Variants in CAPN14 observed in about 807,000 individuals in gnomAD.
The protein encoded by CAPN14 is calpain-14.
Under a neutral mutation model 101.3 loss-of-function variants are expected in CAPN14, and 94 were observed. The observed-to-expected ratio is 0.93, with a 90% CI of 0.79 to 1.10. The LOEUF is 1.10. Among genes scored for constraint, CAPN14 ranks in the 50% least tolerant of loss-of-function variants. CAPN14 has a pLI of 0.00. For missense variants in CAPN14, 837 were observed against 828.4 expected (o/e 1.01, Z -0.13); for synonymous variants, 338 against 317.9 (o/e 1.06, Z -0.67).
intron 1 of CAPN14, among the ~76,000 whole-genome samples, chr2:31,215,573 C>T (rs1430024607): frequency 1.3e-5 from 2 of 152,160 alleles, no homozygotes; most frequent in Non-Finnish European, 2.9e-5. Flanking sequence ...CCTCATCCTT[C>T]AAAGCTCAGG....
At chr2:31,191,514 A>C (rs1439969787) in intron 11 of CAPN14, 107 bp from the exon 12 acceptor site, 2 of 1,110,680 alleles carry the variant, frequency 1.8e-6, no homozygotes, top group African/African-American at 1.6e-5. Context: ...ATAGAAGCTG[A>C]TATACAAGGC....
intron 16 of CAPN14, among the ~76,000 whole-genome samples, chr2:31,182,855 C>CA (rs1680716006): frequency 6.6e-6 from 1 of 151,392 alleles, no homozygotes; most frequent in African/African-American, 2.4e-5. Context: ...CACATGGAAC[C>CA]AAAAAAGAGC....
At position 31,201,981 on chromosome 2, in the gene CAPN14, G is replaced by C. The variant is rs1681809684; in HGVS notation, c.432C>G (p.Asn144Lys). 2 of 1,551,612 alleles carry C rather than the reference G, an allele frequency of 1.3e-6. No homozygotes were observed. The highest frequency in any genetic ancestry group is 2.4e-5 in the South Asian group (2 of 84,068). ...GGTCATCGATCACCACAGGAACCCA[G>C]TTCCCATAGTGCCAGAACTGGAGGG... ...IFRFWFWHYGNWVPVVIDDRL... is the reference protein window; with the variant it reads ...IFRFWFWHYGKWVPVVIDDRL... The change falls in exon 5 of 22, where the codon AAC becomes AAG. Residue 144 changes from asparagine to lysine, a missense_variant. Transcript: ENST00000403897.
chr2:31,197,436 T>C, intron 7 of CAPN14, 102 bp from the exon 8 acceptor site: 1 of 770,316 alleles, frequency 1.3e-6, no homozygotes. Flanking sequence ...CAGTGGAAAA[T>C]CACAGCCCCA....
rs1000387407 is a variant in CAPN14 at position 31,230,825 on chromosome 2, T to C, written c.-177+2966A>G. 6.6e-6 allele frequency among the ~76,000 whole-genome samples: 1 copy of C among 152,256 alleles called. No individual in the cohort carries two copies. The highest frequency in any genetic ancestry group is 6.5e-5 in the Admixed American group (1 of 15,282). ...GTTGAACGAAAGTTTTAAATTTTGC[T>C]AGTGCTAAACTTAGTTTTTTTCATT... On this transcript the variant is annotated intron_variant and NMD_transcript_variant, in intron 1 of 21. Transcript: ENST00000398824. The surrounding 1 kb of genome is among the most constrained non-coding windows in gnomAD (Gnocchi z 4.3).
chr2:31,232,501 T>G (rs1683224374), intron 1 of CAPN14, among the ~76,000 whole-genome samples: 1 of 152,132 alleles, frequency 6.6e-6, no homozygotes, highest in Non-Finnish European at 1.5e-5. Flanking sequence ...AGGAAAAAGG[T>G]TTAATTAACT....
chr2:31,218,909 A>G (rs1558638044), upstream of CAPN14, among the ~76,000 whole-genome samples: 1 of 152,162 alleles, frequency 6.6e-6, no homozygotes, highest in African/African-American at 2.4e-5. Context: ...CCTTCCTCGC[A>G]TGGGTCTGAA....
intron 2 of CAPN14, among the ~76,000 whole-genome samples, chr2:31,203,859 G>C (rs1228206829): frequency 6.6e-6 from 1 of 152,200 alleles, no homozygotes; most frequent in African/African-American, 2.4e-5. Context: ...CTGTTCACTA[G>C]CTGTGTTCCT....
chr2:31,201,965 T>C lies in CAPN14; in HGVS notation c.448A>G (p.Ile150Val), dbSNP rs1250752410. The C allele has an allele frequency of 6.4e-7, 1 of 1,551,552 alleles. No individual in the cohort carries two copies. The highest frequency in any genetic ancestry group is 8.7e-7 in the Non-Finnish European group (1 of 1,147,008). Residue 150 changes from isoleucine to valine, a missense_variant, in exon 5 of 22, where the codon ATC (isoleucine) becomes GTC (valine). Physicochemically the swap from Ile to Val is conservative, Grantham distance 29. Transcript: ENST00000403897. ...WHYGNWVPVV[I>V]DDRLPVNEAG... ...TCATTCACAGGCAGACGGTCATCGATCACCACAGGAACCCAGTTCCCATAG... is the reference window on the plus strand; with the variant it reads ...TCATTCACAGGCAGACGGTCATCGACCACCACAGGAACCCAGTTCCCATAG...
chr2:31,231,448 A>G (rs1188071357), intron 1 of CAPN14, among the ~76,000 whole-genome samples: 2 of 152,222 alleles, frequency 1.3e-5, no homozygotes. Context: ...AAGATCTTGC[A>G]TATCTTTTGT....
intron 3 of CAPN14, 127 bp from the exon 4 acceptor site, chr2:31,202,379 T>C: frequency 7.3e-6 from 5 of 682,836 alleles, no homozygotes; most frequent in Non-Finnish European, 1.0e-5. Context: ...AATTATATAC[T>C]GGGAAGGCGG....
intron 8 of CAPN14, among the ~76,000 whole-genome samples, chr2:31,196,081 T>C (rs1681457856): frequency 6.6e-6 from 1 of 152,016 alleles, no homozygotes; most frequent in Non-Finnish European, 1.5e-5. Context: ...AGGGGAGAAA[T>C]GGAAGATAAT....
At chr2:31,217,227 G>C (rs1367348123) in intron 1 of CAPN14, among the ~76,000 whole-genome samples, 1 of 152,052 alleles carries the variant, frequency 6.6e-6, no homozygotes, top group Non-Finnish European at 1.5e-5. Flanking sequence ...AGGAGATTGG[G>C]GCCAAAGGGC....
chr2:31,213,205 T>C (rs1682484323), intron 1 of CAPN14, among the ~76,000 whole-genome samples: 1 of 152,202 alleles, frequency 6.6e-6, no homozygotes, highest in South Asian at 2.1e-4. Flanking sequence ...GTGTGCTGAC[T>C]CCTTTATCCT....
rs1443231009 is a variant in CAPN14, at chr2:31,173,144, T to TA, written c.*1536dup. On this transcript the variant is annotated 3_prime_UTR_variant, in exon 22 of 22. Coordinates refer to ENST00000403897, the MANE Select transcript of CAPN14 (RefSeq NM_001145122.2). ...AAAGACACAAATAAGTCAATGGATA[T>TA]AAAAAACTGTAAAAGGCTGTAAATA... The TA allele has an allele frequency of 6.6e-6, 1 of 152,216 alleles. No individual in the cohort carries two copies. The highest frequency in any genetic ancestry group is 1.5e-5 in the Non-Finnish European group (1 of 68,032). 9.4% of individuals were successfully genotyped at this position (152,216 alleles called of 1,614,324 possible).
At chr2:31,203,623 C>T (rs537173396) in intron 2 of CAPN14, among the ~76,000 whole-genome samples, 30 of 152,222 alleles carry the variant, frequency 2.0e-4, no homozygotes, top group Non-Finnish European at 1.5e-5. Context: ...TCAGTCTTTG[C>T]GCGGACACAG....
rs187593207 is a variant in CAPN14 at position 31,201,364 on chromosome 2, A to G, written c.551+498T>C. 1.6e-4 allele frequency among the ~76,000 whole-genome samples: 24 copies of G among 152,232 alleles called. No individual in the cohort carries two copies. In the East Asian group the frequency reaches 3.9e-3, roughly 25 times the overall value. ...TTGTGTCGTTGAAGCTGTGCCCACA[A>G]TCTGACCCCTGATGATCAGGCCGCC... On this transcript the variant is annotated intron_variant, in intron 5 of 21. Transcript: ENST00000403897.
At chr2:31,206,021 A>ATTTTTTTTTT (rs200116287) in intron 1 of CAPN14, among the ~76,000 whole-genome samples, 27 of 108,822 alleles carry the variant, frequency 2.5e-4, no homozygotes, top group Non-Finnish European at 4.2e-4. Flanking sequence ...CATTATCTTT[A>ATTTTTTTTTT]TTTTTTTTAT....
intron 9 of CAPN14, 110 bp downstream of exon 9, chr2:31,194,299 T>C: frequency 1.3e-6 from 1 of 754,660 alleles, no homozygotes; most frequent in East Asian, 2.7e-5. Context: ...GGTGCCTTAT[T>C]GATCTCTGTA....
Sources: gnomAD v4.1 joint callset for allele counts (sites outside exome capture counted in the v4.1 genomes callset) on GRCh38, gnomAD v4.1.1 for gene constraint, Gnocchi (gnomAD v3.1) non-coding constraint, MANE v1.5 for transcripts, NCBI Gene and HGNC (gene_info 2026-07-23, HGNC 2026-07-21) for gene names.